Variants in EXOC6B observed in about 807,000 individuals in gnomAD.
The protein encoded by EXOC6B is SEC15 homolog B.
A neutral mutation model predicts 113.5 loss-of-function variants in EXOC6B; 54 were observed. The observed-to-expected ratio is 0.48, with a 90% CI of 0.38 to 0.60. The LOEUF (loss-of-function observed/expected upper bound fraction) is 0.60. Ranked by LOEUF, EXOC6B falls within the 20% of genes least tolerant of loss-of-function variation. The probability of loss-of-function intolerance (pLI) is 0.00; values close to 1 mark genes in which losing one functional copy is unlikely to be tolerated. For missense variants in EXOC6B, 797 were observed against 977.5 expected, an observed-to-expected ratio of 0.82 and a Z score of 2.46; for synonymous variants, 357 against 339.0, an observed-to-expected ratio of 1.05 and a Z score of -0.58.
intron 18 of EXOC6B, among the ~76,000 whole-genome samples, chr2:72,427,583 G>A (rs369818369): frequency 6.4e-4 from 97 of 152,308 alleles, no homozygotes; most frequent in African/African-American, 2.1e-3. Flanking sequence ...TCTGGACTTT[G>A]AACACCAACA....
At chr2:72,790,065 G>T (rs992026807) in intron 1 of EXOC6B, among the ~76,000 whole-genome samples, 1 of 152,044 alleles carries the variant, frequency 6.6e-6, no homozygotes, top group Non-Finnish European at 1.5e-5. Context: ...CAGAGAAATG[G>T]CACAGGGCTG....
intron 13 of EXOC6B, 91 bp from the exon 14 acceptor site, chr2:72,496,650 A>G: frequency 1.3e-6 from 1 of 761,714 alleles, no homozygotes; most frequent in South Asian, 1.5e-5. Context: ...GTTAATCACA[A>G]ATATTTTTCT....
chr2:72,550,253 C>T (rs1573373580), intron 8 of EXOC6B, among the ~76,000 whole-genome samples: 2 of 151,962 alleles, frequency 1.3e-5, no homozygotes, highest in East Asian at 3.9e-4. Context: ...TATCCTTTAC[C>T]ATGCAGTAAT....
chr2:72,215,854 T>G (rs1680496414), intron 20 of EXOC6B, among the ~76,000 whole-genome samples: 1 of 152,084 alleles, frequency 6.6e-6, no homozygotes, highest in African/African-American at 2.4e-5. Context: ...GGAAAAAAGC[T>G]TAGCCTTAGG....
intron 8 of EXOC6B, among the ~76,000 whole-genome samples, chr2:72,539,985 C>T (rs944814210): frequency 1.6e-5 from 2 of 127,008 alleles, no homozygotes; most frequent in Admixed American, 2.0e-4. Context: ...GTGTGATGTT[C>T]CCCTTCCTGT....
At chr2:72,818,869 A>C (rs1243402894) in intron 1 of EXOC6B, among the ~76,000 whole-genome samples, 1 of 152,008 alleles carries the variant, frequency 6.6e-6, no homozygotes, top group Non-Finnish European at 1.5e-5. Flanking sequence ...TTGTTGCTTC[A>C]CTCTATTCAA....
chr2:72,778,940 T>C (rs932736605), intron 1 of EXOC6B, among the ~76,000 whole-genome samples: 1 of 152,142 alleles, frequency 6.6e-6, no homozygotes, highest in Admixed American at 6.5e-5. Flanking sequence ...CATGTACCTG[T>C]CTGTATGTTA....
intron 8 of EXOC6B, among the ~76,000 whole-genome samples, chr2:72,531,166 G>C (rs1573334605): frequency 6.6e-6 from 1 of 151,248 alleles, no homozygotes; most frequent in African/African-American, 2.4e-5. Flanking sequence ...CCTTCCTATG[G>C]GTTCCCTAAA....
chr2:72,667,313 C>G (rs928926371), intron 6 of EXOC6B, among the ~76,000 whole-genome samples: 2 of 152,176 alleles, frequency 1.3e-5, no homozygotes, highest in African/African-American at 4.8e-5. Flanking sequence ...AAGCAATTTA[C>G]AGATTCAACA....
At chr2:72,686,176 T>C (rs957482624) in intron 6 of EXOC6B, among the ~76,000 whole-genome samples, 1 of 152,182 alleles carries the variant, frequency 6.6e-6, no homozygotes, top group Non-Finnish European at 1.5e-5. Flanking sequence ...CATTCAGGCT[T>C]AGCCAAGAGT....
chr2:72,324,607 TAAGCCTTA>T (rs758811191), intron 20 of EXOC6B, among the ~76,000 whole-genome samples: 2 of 152,194 alleles, frequency 1.3e-5, no homozygotes, highest in Non-Finnish European at 2.9e-5. Flanking sequence ...TCCAACATTA[TAAGCCTTA>T]TAAGCTATTT....
At chr2:72,458,528 G>C (rs1697393954) in intron 18 of EXOC6B, among the ~76,000 whole-genome samples, 1 of 152,096 alleles carries the variant, frequency 6.6e-6, no homozygotes, top group East Asian at 1.9e-4. Context: ...AAGCAATATT[G>C]AGGACTTAAG....
intron 8 of EXOC6B, among the ~76,000 whole-genome samples, chr2:72,532,086 T>G (rs911184817): frequency 2.0e-5 from 3 of 152,150 alleles, no homozygotes; most frequent in Non-Finnish European, 4.4e-5. Flanking sequence ...ATTTATAAAA[T>G]GAAATATCAC....
intron 20 of EXOC6B, among the ~76,000 whole-genome samples, chr2:72,189,604 A>G (rs1678679042): frequency 6.6e-6 from 1 of 152,122 alleles, no homozygotes; most frequent in Non-Finnish European, 1.5e-5. Context: ...TGATATCTCA[A>G]CACCATCCTT....
At chr2:72,471,278 T>C (rs1469146567) in intron 17 of EXOC6B, among the ~76,000 whole-genome samples, 4 of 152,198 alleles carry the variant, frequency 2.6e-5, no homozygotes, top group Non-Finnish European at 5.9e-5. Context: ...TTGAGAAGTG[T>C]CTGTTCATGT....
chr2:72,808,224 G>A (rs1685685860), intron 1 of EXOC6B, among the ~76,000 whole-genome samples: 1 of 152,140 alleles, frequency 6.6e-6, no homozygotes, highest in Non-Finnish European at 1.5e-5. Context: ...ACTTTGCTGA[G>A]TTTTCCAAAC....
chr2:72,567,197 TA>T (rs1384012190), intron 7 of EXOC6B, among the ~76,000 whole-genome samples: 2 of 151,782 alleles, frequency 1.3e-5, no homozygotes, highest in African/African-American at 2.4e-5. Flanking sequence ...ATCAATTTGG[TA>T]ACAATCAAAC....
At chr2:72,269,619 T>G (rs1284942605) in intron 20 of EXOC6B, among the ~76,000 whole-genome samples, 2 of 152,116 alleles carry the variant, frequency 1.3e-5, no homozygotes, top group Non-Finnish European at 2.9e-5. Flanking sequence ...AAGACCAGCC[T>G]GGGGAACAGA....
intron 2 of EXOC6B, among the ~76,000 whole-genome samples, chr2:72,738,357 A>G (rs1026662492): frequency 2.0e-4 from 30 of 152,206 alleles, no homozygotes; most frequent in African/African-American, 7.2e-4. Context: ...CATGGGCTCT[A>G]TTCCAGATAT....
Sources: allele counts gnomAD v4.1 joint callset (sites outside exome capture counted in the v4.1 genomes callset), GRCh38; gene constraint gnomAD v4.1.1; transcripts MANE v1.5; gene names NCBI Gene and HGNC (gene_info 2026-07-23, HGNC 2026-07-21).